LINGO2: variants seen among roughly 807,000 people sequenced by gnomAD.
LINGO2 encodes the protein leucine-rich repeat and immunoglobulin-like domain-containing nogo receptor-interacting protein 2.
Under a neutral mutation model 30.6 loss-of-function variants are expected in LINGO2, and 14 were observed. That is an observed-to-expected ratio of 0.46 (90% CI 0.30 to 0.72). LINGO2 has a LOEUF of 0.72. Among genes scored for constraint, LINGO2 ranks in the 30% least tolerant of loss-of-function variants. The pLI is 0.07. For synonymous variants in LINGO2, 317 were observed against 288.5 expected, an observed-to-expected ratio of 1.10 and a Z score of -1.00; for missense variants, 729 against 751.7, an observed-to-expected ratio of 0.97 and a Z score of 0.35.
intron 2 of LINGO2, among the ~76,000 whole-genome samples, chr9:28,453,474 T>C (rs774581904): frequency 5.3e-5 from 8 of 151,918 alleles, no homozygotes; most frequent in Non-Finnish European, 1.0e-4. Flanking sequence ...GTCTTTCAAA[T>C]TGTGAAATAA....
At chr9:29,117,008 A>C in the LINGO2 span, among the ~76,000 whole-genome samples, 1 of 152,178 alleles carries the variant, frequency 6.6e-6, no homozygotes, top group Admixed American at 6.5e-5. Context: ...AAGCTACCTA[A>C]GGTTTACCTC....
chr9:28,400,934 C>G (rs901304683), intron 2 of LINGO2, among the ~76,000 whole-genome samples: 2 of 152,082 alleles, frequency 1.3e-5, no homozygotes, highest in African/African-American at 4.8e-5. Context: ...AAAGTCTGAA[C>G]AGATCTTTTG....
At chr9:28,298,424 G>T (rs1824005009) in intron 3 of LINGO2, among the ~76,000 whole-genome samples, 1 of 151,496 alleles carries the variant, frequency 6.6e-6, no homozygotes, top group South Asian at 2.1e-4. Flanking sequence ...CCAGCACTTT[G>T]GGAGGCTGAG....
chr9:28,134,466 A>G (rs1827460273), intron 4 of LINGO2, among the ~76,000 whole-genome samples: 1 of 152,192 alleles, frequency 6.6e-6, no homozygotes, highest in Non-Finnish European at 1.5e-5. Flanking sequence ...AGAAGCTGTA[A>G]CTCCAATGAT....
intron 1 of LINGO2, among the ~76,000 whole-genome samples, chr9:28,497,367 C>T (rs886481914): frequency 3.3e-5 from 5 of 152,252 alleles, no homozygotes; most frequent in Non-Finnish European, 7.4e-5. Flanking sequence ...TCTTTTTACT[C>T]TTTTTTCTCT....
the LINGO2 span, among the ~76,000 whole-genome samples, chr9:28,881,154 A>T: frequency 6.6e-6 from 1 of 152,058 alleles, no homozygotes; most frequent in Non-Finnish European, 1.5e-5. Context: ...TTCTTTTATC[A>T]GTCTCTCATC....
At chr9:28,180,607 A>G (rs1828884606) in intron 4 of LINGO2, among the ~76,000 whole-genome samples, 1 of 152,194 alleles carries the variant, frequency 6.6e-6, no homozygotes, top group Non-Finnish European at 1.5e-5. Context: ...TCAGGGATGA[A>G]TGACTGCTAA....
chr9:28,800,262 G>C, the LINGO2 span, among the ~76,000 whole-genome samples: 4 of 152,016 alleles, frequency 2.6e-5, no homozygotes, highest in Admixed American at 2.6e-4. Flanking sequence ...AATGTCTTCT[G>C]AGTTGAACTC....
chr9:29,122,417 T>C, the LINGO2 span, among the ~76,000 whole-genome samples: 188 of 152,098 alleles, frequency 1.2e-3, no homozygotes, highest in African/African-American at 4.4e-3. Context: ...AGGCTTAGGC[T>C]CCAATAAGAC....
chr9:28,769,940 C>G, the LINGO2 span, among the ~76,000 whole-genome samples: 1 of 151,978 alleles, frequency 6.6e-6, no homozygotes, highest in South Asian at 2.1e-4. Flanking sequence ...TGGCCTAGCT[C>G]TCTCTCCTAA....
At chr9:28,364,166 C>T (rs1820566424) in intron 3 of LINGO2, among the ~76,000 whole-genome samples, 2 of 152,044 alleles carry the variant, frequency 1.3e-5, no homozygotes, top group African/African-American at 2.4e-5. Context: ...ATATATAGTC[C>T]TTCTGCAGAT....
At chr9:28,690,561 C>T in the LINGO2 span, among the ~76,000 whole-genome samples, 2 of 152,104 alleles carry the variant, frequency 1.3e-5, no homozygotes, top group Non-Finnish European at 2.9e-5. Context: ...CTAGAAAACT[C>T]TACTTTCCAT....
intron 3 of LINGO2, among the ~76,000 whole-genome samples, chr9:28,311,428 C>T (rs1002528678): frequency 3.3e-5 from 5 of 152,108 alleles, no homozygotes; most frequent in Non-Finnish European, 7.4e-5. Flanking sequence ...CCTAATAAGC[C>T]TGGGAGCGCT....
At chr9:28,426,689 GA>G (rs1823428001) in intron 2 of LINGO2, among the ~76,000 whole-genome samples, 1 of 152,082 alleles carries the variant, frequency 6.6e-6, no homozygotes, top group Non-Finnish European at 1.5e-5. Context: ...GGCTTAAATG[GA>G]GGTTTAGTGT....
the LINGO2 span, among the ~76,000 whole-genome samples, chr9:29,099,147 A>G: frequency 6.6e-6 from 1 of 152,238 alleles, no homozygotes; most frequent in Non-Finnish European, 1.5e-5. Context: ...AGTTTCTTCA[A>G]TCGATAGTGC....
intron 4 of LINGO2, among the ~76,000 whole-genome samples, chr9:28,057,342 T>C (rs917202438): frequency 1.3e-5 from 2 of 151,886 alleles, no homozygotes; most frequent in African/African-American, 4.8e-5. Context: ...ATTGTAAATC[T>C]ACAAAAGGGA....
At chr9:28,331,993 T>C (rs10812782) in intron 3 of LINGO2, among the ~76,000 whole-genome samples, 2 of 151,970 alleles carry the variant, frequency 1.3e-5, no homozygotes, top group African/African-American at 4.8e-5. Context: ...CATTTGTAGA[T>C]AATAAAGTTC....
At chr9:28,603,157 T>C (rs1430371876) in intron 1 of LINGO2, among the ~76,000 whole-genome samples, 1 of 152,094 alleles carries the variant, frequency 6.6e-6, no homozygotes, top group Non-Finnish European at 1.5e-5. Context: ...TTTGATAATC[T>C]GTAGAAGGAC....
chr9:28,623,347 C>A (rs913053043), intron 1 of LINGO2, among the ~76,000 whole-genome samples: 1 of 151,980 alleles, frequency 6.6e-6, no homozygotes, highest in African/African-American at 2.4e-5. Flanking sequence ...AGGTTTTAAT[C>A]CATTTTGATT....
Sources: allele counts gnomAD v4.1 joint callset (sites outside exome capture counted in the v4.1 genomes callset), GRCh38; gene constraint gnomAD v4.1.1; transcripts MANE v1.5; gene names NCBI Gene and HGNC (gene_info 2026-07-23, HGNC 2026-07-21).